The following NTMT1 variants were observed in gnomAD, a reference collection of about 807,000 sequenced individuals.
NTMT1 encodes the protein N-terminal Xaa-Pro-Lys N-methyltransferase 1, also known as N-terminal RCC1 methyltransferase.
In NTMT1, 8 loss-of-function variants were observed where a neutral mutation model predicts 17.5. The observed-to-expected ratio is 0.46, with a 90% CI of 0.27 to 0.82. The LOEUF (loss-of-function observed/expected upper bound fraction) is 0.82. Among genes scored for constraint, NTMT1 ranks in the 40% least tolerant of loss-of-function variants. NTMT1 has a pLI of 0.15. For synonymous variants in NTMT1, 128 were observed against 126.8 expected, an observed-to-expected ratio of 1.01 and a Z score of -0.06; for missense variants, 221 against 303.5, an observed-to-expected ratio of 0.73 and a Z score of 2.02.
intron 1 of NTMT1, chr9:129,615,495 C>G (rs374809292): frequency 6.9e-6 from 11 of 1,597,418 alleles, no homozygotes; most frequent in Non-Finnish European, 9.4e-6. Context: ...TGAGCGTCTG[C>G]GCTCCCAGTA....
At chr9:129,619,436 C>T (rs908341837) in intron 1 of NTMT1, 2 of 957,890 alleles carry the variant, frequency 2.1e-6, no homozygotes, top group African/African-American at 3.3e-5. Context: ...TAAATGAATA[C>T]ATTCATGGGC....
chr9:129,611,128 C>T (rs954454706), intron 1 of NTMT1, among the ~76,000 whole-genome samples: 1 of 152,214 alleles, frequency 6.6e-6, no homozygotes, highest in Non-Finnish European at 1.5e-5. Flanking sequence ...CCATCCCGGC[C>T]CTAAGGACCC....
At chr9:129,610,193 G>T (rs1830078080) in intron 1 of NTMT1, among the ~76,000 whole-genome samples, 1 of 128,694 alleles carries the variant, frequency 7.8e-6, no homozygotes. Context: ...GGGGAGGGGG[G>T]AGGAGGGGGG....
Position 129,620,020 on chromosome 9 carries a change from C to T in NTMT1, c.-55+10842C>T, listed in dbSNP as rs1241980398. Reference sequence around the variant, plus strand: ...TGCGGGGACACAAGGGACCACCCCCCACCGGAAATGACTCGGGCCCGCCCC... The same window carrying T: ...TGCGGGGACACAAGGGACCACCCCCTACCGGAAATGACTCGGGCCCGCCCC... On this transcript the variant is annotated intron_variant, in intron 1 of 3. Coordinates refer to the NTMT1 transcript ENST00000372486. This position sits in a 1 kb window ranked among gnomAD's most constrained non-coding sequence, Gnocchi z 5.8. The T allele has an allele frequency of 6.9e-7, 1 of 1,458,902 alleles. No homozygotes were observed. Among genetic ancestry groups the T allele is most frequent in the African/African-American group, 1.4e-5 (1 of 70,098 alleles). 90.4% of individuals were successfully genotyped at this position (1,458,902 alleles called of 1,614,324 possible).
At chr9:129,634,370 G>A in intron 3 of NTMT1, 64 bp downstream of exon 3, 7 of 1,538,496 alleles carry the variant, frequency 4.5e-6, no homozygotes, top group Non-Finnish European at 6.1e-6. Context: ...TTCCCCATAA[G>A]GTGTCAGGAC....
intron 1 of NTMT1, among the ~76,000 whole-genome samples, chr9:129,610,398 T>G (rs1830087341): frequency 6.6e-6 from 1 of 150,782 alleles, no homozygotes; most frequent in Non-Finnish European, 1.5e-5. Context: ...CCACGCGGAC[T>G]CCGGCTTCAG....
chr9:129,615,653 A>C, intron 1 of NTMT1: 1 of 1,536,442 alleles, frequency 6.5e-7, no homozygotes, highest in Non-Finnish European at 8.7e-7. Context: ...GCCTGCTGAG[A>C]GAGGGGAGAG....
rs1249202133 is a variant in NTMT1, at chr9:129,632,860, T to C, written c.157T>C (p.Leu53=). 12 of 1,614,074 alleles carry C rather than the reference T, an allele frequency of 7.4e-6. No individual in the cohort carries two copies. Among genetic ancestry groups the C allele is most frequent in the Non-Finnish European group, 1.0e-5 (12 of 1,179,960 alleles). Residue 53 remains leucine, a synonymous_variant, in exon 2 of 4, where the codon TTG becomes CTG. Transcript: ENST00000372483. ...NSSRKFLQRF[L]REGPNKTGTS... is the part of the protein sequence containing the mutation. ...CTCCCGGAAGTTTCTGCAGAGGTTT[T>C]TGAGGGTAGGCAGGTCTGGCGTGCT...
At chr9:129,633,012 C>A (rs1239010640) in intron 2 of NTMT1, 147 bp downstream of exon 2, 1 of 872,678 alleles carries the variant, frequency 1.1e-6, no homozygotes, top group Non-Finnish European at 1.8e-6. Context: ...AGGAGCTGGG[C>A]TGGGTGGGCA....
intron 1 of NTMT1, among the ~76,000 whole-genome samples, chr9:129,609,712 C>T (rs1205567656): frequency 6.6e-6 from 1 of 152,122 alleles, no homozygotes; most frequent in Non-Finnish European, 1.5e-5. Flanking sequence ...TTGGGTCCAT[C>T]CCCTGAATGC....
intron 1 of NTMT1, chr9:129,612,443 C>T (rs1282500492): frequency 1.2e-6 from 2 of 1,613,198 alleles, no homozygotes; most frequent in East Asian, 2.2e-5. Flanking sequence ...CCCGGTTGGG[C>T]AGGAGGGACT....
intron 1 of NTMT1, chr9:129,619,749 G>A (rs1015532489): frequency 1.2e-6 from 2 of 1,613,912 alleles, no homozygotes; most frequent in African/African-American, 2.7e-5. Flanking sequence ...CCACAGGTCT[G>A]GGAGGAATGA....
At chr9:129,612,413 C>T (rs747170087) in intron 1 of NTMT1, 1 of 1,612,804 alleles carries the variant, frequency 6.2e-7, no homozygotes, top group East Asian at 2.2e-5. Context: ...GGCAGCCTTG[C>T]TTCAGGACCG....
intron 1 of NTMT1, among the ~76,000 whole-genome samples, chr9:129,610,032 C>T (rs1830074400): frequency 6.9e-6 from 1 of 144,212 alleles, no homozygotes; most frequent in South Asian, 2.3e-4. Flanking sequence ...GTGTGTGTCT[C>T]GGGGTGCGTA....
chr9:129,612,296 G>T, intron 1 of NTMT1: 1 of 1,476,362 alleles, frequency 6.8e-7, no homozygotes. Flanking sequence ...AAGGAAGGAC[G>T]CTCCTCATTG....
chr9:129,615,752 T>A (rs1329601643), intron 1 of NTMT1: 2 of 1,243,580 alleles, frequency 1.6e-6, no homozygotes, highest in African/African-American at 3.1e-5. Flanking sequence ...TGCCCTACAC[T>A]GGTCTTGAAG....
chr9:129,613,514 C>T lies in NTMT1; in HGVS notation c.-55+4336C>T. On this transcript the variant is annotated intron_variant, in intron 1 of 3. Transcript: ENST00000372486. The surrounding 1 kb of genome is among the most constrained non-coding windows in gnomAD (Gnocchi z 6.2). ...GGGTACAGGGCTTTGGGCAAACTCT[C>T]CAGCCGTTTTCCGACACTCCCAAAC... 1 of 1,614,168 alleles carries T rather than the reference C, an allele frequency of 6.2e-7. No homozygotes were observed. Among genetic ancestry groups the T allele is most frequent in the South Asian group, 1.1e-5 (1 of 91,084 alleles).
chr9:129,621,092 G>A (rs567251562), intron 1 of NTMT1, among the ~76,000 whole-genome samples: 32 of 152,320 alleles, frequency 2.1e-4, no homozygotes, highest in African/African-American at 7.0e-4. Context: ...CCGCATCACC[G>A]CTGGTAGAGA....
In NTMT1 at chr9:129,613,379, G is replaced by C. The variant is rs577289479; in HGVS notation, c.-55+4201G>C. ...TGGGTGGGGAGGTCTGTAGGCAAGG[G>C]GGGTGGAGGGCCCTGGCAATGTCCA... is the stretch of plus-strand genomic sequence containing the variant. On this transcript the variant is annotated intron_variant, in intron 1 of 3. Transcript: ENST00000372486. This position sits in a 1 kb window ranked among gnomAD's most constrained non-coding sequence, Gnocchi z 6.2. 59 of 1,597,456 alleles carry C rather than the reference G, an allele frequency of 3.7e-5. No individual in the cohort carries two copies. Among genetic ancestry groups the C allele is most frequent in the Non-Finnish European group, 3.9e-5 (46 of 1,169,632 alleles).
Sources: allele counts gnomAD v4.1 joint callset (sites outside exome capture counted in the v4.1 genomes callset), GRCh38; gene constraint gnomAD v4.1.1; non-coding constraint Gnocchi (gnomAD v3.1); transcripts MANE v1.5; gene names NCBI Gene and HGNC (gene_info 2026-07-23, HGNC 2026-07-21).